DOCK3: variants seen among roughly 807,000 people sequenced by gnomAD.
DOCK3 encodes dedicator of cytokinesis 3.
A neutral mutation model predicts 265.6 loss-of-function variants in DOCK3; 60 were observed. The ratio of observed to expected loss-of-function variants is 0.23; its 90% CI spans 0.18 to 0.28. DOCK3 has a LOEUF of 0.28. Ranked by LOEUF, DOCK3 falls within the 10% of genes least tolerant of loss-of-function variation. The pLI is 1.00. For missense variants in DOCK3, 1,981 were observed against 2,594.3 expected, an observed-to-expected ratio of 0.76 and a Z score of 5.14; for synonymous variants, 881 against 938.0, an observed-to-expected ratio of 0.94 and a Z score of 1.11.
At chr3:51,217,964 G>A (rs544465570) in intron 14 of DOCK3, among the ~76,000 whole-genome samples, 5 of 149,724 alleles carry the variant, frequency 3.3e-5, no homozygotes, top group African/African-American at 9.9e-5. Flanking sequence ...CTAAAAATAC[G>A]AAAATTAGCC....
At chr3:51,202,049 C>T (rs994191655) in intron 12 of DOCK3, among the ~76,000 whole-genome samples, 3 of 152,128 alleles carry the variant, frequency 2.0e-5, no homozygotes, top group African/African-American at 7.2e-5. Flanking sequence ...TTATAGCATT[C>T]AATGCCCACA....
intron 5 of DOCK3, among the ~76,000 whole-genome samples, chr3:50,961,160 C>G (rs573261524): frequency 8.1e-4 from 123 of 152,242 alleles, no homozygotes; most frequent in African/African-American, 2.9e-3. Context: ...CAGCTTTGTT[C>G]TTCTTTTTCC....
At chr3:51,202,545 G>A (rs2088861731) in intron 12 of DOCK3, among the ~76,000 whole-genome samples, 1 of 152,028 alleles carries the variant, frequency 6.6e-6, no homozygotes, top group South Asian at 2.1e-4. Flanking sequence ...CAACCAAAAA[G>A]AGTCCAGGAC....
intron 3 of DOCK3, chr3:50,877,433 TG>T (rs2047760506): frequency 1.9e-6 from 1 of 519,984 alleles, no homozygotes; most frequent in Admixed American, 1.9e-5. Flanking sequence ...GAAATCTGTG[TG>T]CTTTCCCTCA....
intron 16 of DOCK3, among the ~76,000 whole-genome samples, 196 bp downstream of exon 16, chr3:51,227,641 G>C (rs2090386203): frequency 6.6e-6 from 1 of 152,200 alleles, no homozygotes; most frequent in African/African-American, 2.4e-5. Context: ...ACAAAGTCTT[G>C]TGTTGGCCCT....
intron 5 of DOCK3, among the ~76,000 whole-genome samples, chr3:50,990,577 C>G (rs2078068720): frequency 6.6e-6 from 1 of 151,980 alleles, no homozygotes; most frequent in South Asian, 2.1e-4. Context: ...TCTAGAGGGA[C>G]AAAACTAATG....
chr3:50,687,806 C>G (rs1227072049), intron 1 of DOCK3, among the ~76,000 whole-genome samples: 4 of 152,184 alleles, frequency 2.6e-5, no homozygotes, highest in African/African-American at 9.7e-5. Flanking sequence ...TTTAGTTTTC[C>G]TGATATGTAA....
intron 7 of DOCK3, 37 bp from the exon 8 acceptor site, chr3:51,089,206 C>G: frequency 1.3e-6 from 2 of 1,576,936 alleles, no homozygotes; most frequent in Non-Finnish European, 1.7e-6. Flanking sequence ...TAGTTTCTTT[C>G]CCGGTAGAGT....
intron 5 of DOCK3, among the ~76,000 whole-genome samples, chr3:51,060,669 G>A (rs1305082646): frequency 2.0e-5 from 3 of 152,058 alleles, no homozygotes; most frequent in African/African-American, 7.2e-5. Flanking sequence ...CCCATTTCTT[G>A]TTTTTGTCAG....
intron 32 of DOCK3, 94 bp downstream of exon 32, chr3:51,315,222 GA>G: frequency 7.1e-7 from 1 of 1,416,728 alleles, no homozygotes; most frequent in Non-Finnish European, 9.4e-7. Context: ...TTCTAGTGGG[GA>G]TGGGCTGTAG....
intron 12 of DOCK3, among the ~76,000 whole-genome samples, chr3:51,208,198 C>T (rs2089321590): frequency 6.6e-6 from 1 of 152,226 alleles, no homozygotes; most frequent in South Asian, 2.1e-4. Flanking sequence ...GCTAAGTCCT[C>T]CTTCCCCCTG....
At position 51,075,336 on chromosome 3, in the gene DOCK3, G is replaced by A. The variant is rs1157904920; in HGVS notation, c.465-20G>A. 6.3e-7 allele frequency: 1 copy of A among 1,597,620 alleles called. No homozygotes were observed. The highest frequency in any genetic ancestry group is 8.5e-7 in the Non-Finnish European group (1 of 1,171,168). On this transcript the variant is annotated intron_variant, in intron 6 of 52. Coordinates refer to ENST00000266037, the MANE Select transcript of DOCK3 (RefSeq NM_004947.5). ...AATCTGAGTACATGGCATACTGAGTGTGGTCTTTCTCTTTACTAGACATTT... is the reference window on the plus strand; with the variant it reads ...AATCTGAGTACATGGCATACTGAGTATGGTCTTTCTCTTTACTAGACATTT...
At chr3:50,676,057 G>T (rs2033935689) in intron 1 of DOCK3, among the ~76,000 whole-genome samples, 1 of 152,056 alleles carries the variant, frequency 6.6e-6, no homozygotes, top group Non-Finnish European at 1.5e-5. Context: ...AGTGTTTTGT[G>T]GCAATTACAT....
intron 9 of DOCK3, among the ~76,000 whole-genome samples, chr3:51,142,274 C>G (rs1403530645): frequency 5.3e-5 from 8 of 152,176 alleles, no homozygotes; most frequent in African/African-American, 1.7e-4. Flanking sequence ...AAAATTCACC[C>G]TTTTTAATGC....
chr3:51,083,354 C>T (rs1383161902), intron 7 of DOCK3, among the ~76,000 whole-genome samples: 2 of 152,084 alleles, frequency 1.3e-5, no homozygotes, highest in Non-Finnish European at 2.9e-5. Context: ...ACACTGGATG[C>T]CCACATATCA....
intron 12 of DOCK3, among the ~76,000 whole-genome samples, chr3:51,190,515 G>A (rs994565219): frequency 3.9e-5 from 6 of 152,150 alleles, no homozygotes; most frequent in African/African-American, 1.4e-4. Flanking sequence ...TAGCCGGGGT[G>A]GTGCAGGCAA....
Position 50,717,967 on chromosome 3 carries a change from C to T in DOCK3, c.37+42667C>T, listed in dbSNP as rs138178880. On this transcript the variant is annotated intron_variant, in intron 1 of 52. Transcript: ENST00000266037. ...TGCATTATTAAATAATCTTATACTT[C>T]TTACTTGGTTTGTGTTATATTAAGC... 5.5e-3 allele frequency among the ~76,000 whole-genome samples: 841 copies of T among 152,234 alleles called. 8 individuals carry two copies. Among genetic ancestry groups the T allele is most frequent in the South Asian group, 0.036 (173 of 4,818 alleles).
chr3:51,192,288 C>G (rs2087993262), intron 12 of DOCK3, among the ~76,000 whole-genome samples: 1 of 151,336 alleles, frequency 6.6e-6, no homozygotes, highest in Non-Finnish European at 1.5e-5. Context: ...TGTCCTGTTG[C>G]ATTCTTCTGC....
chr3:51,218,833 A>C (rs1346609248), intron 14 of DOCK3, among the ~76,000 whole-genome samples: 1 of 152,136 alleles, frequency 6.6e-6, no homozygotes, highest in Non-Finnish European at 1.5e-5. Context: ...AAGGCCCATA[A>C]AACACAGATT....
Sources: allele counts gnomAD v4.1 joint callset (sites outside exome capture counted in the v4.1 genomes callset), GRCh38; gene constraint gnomAD v4.1.1; transcripts MANE v1.5; gene names NCBI Gene and HGNC (gene_info 2026-07-23, HGNC 2026-07-21).